Variants in ATXN1 observed in about 807,000 individuals in gnomAD.
The protein encoded by ATXN1 is ataxin 1.
In ATXN1, 8 loss-of-function variants were observed where a neutral mutation model predicts 56.4. The ratio of observed to expected loss-of-function variants is 0.14; its 90% CI spans 0.08 to 0.26. The LOEUF (loss-of-function observed/expected upper bound fraction) is 0.26, where lower values mean the gene tolerates loss of function less well. ATXN1 is among the 10% of genes least tolerant of loss of function. ATXN1 has a pLI of 1.00. For missense variants in ATXN1, 987 were observed against 1,106.5 expected (o/e 0.89, Z 1.53); for synonymous variants, 514 against 494.6 (o/e 1.04, Z -0.52).
intron 2 of ATXN1, among the ~76,000 whole-genome samples, chr6:16,725,655 A>T (rs1759832898): frequency 6.6e-6 from 1 of 152,184 alleles, no homozygotes; most frequent in South Asian, 2.1e-4. Flanking sequence ...CTCATTGTGC[A>T]TATTTGGCCC....
intron 5 of ATXN1, among the ~76,000 whole-genome samples, chr6:16,494,835 T>C (rs1326567274): frequency 2.6e-5 from 4 of 152,240 alleles, no homozygotes; most frequent in African/African-American, 9.6e-5. Context: ...CCTGGCCTTA[T>C]TTGTTCAACA....
chr6:16,735,021 T>TA (rs1192843894), intron 2 of ATXN1, among the ~76,000 whole-genome samples: 5 of 152,234 alleles, frequency 3.3e-5, no homozygotes, highest in Non-Finnish European at 7.3e-5. Context: ...TTATATTTAG[T>TA]AAAAACAATT....
At chr6:16,704,346 A>G (rs995297509) in intron 2 of ATXN1, among the ~76,000 whole-genome samples, 2 of 151,980 alleles carry the variant, frequency 1.3e-5, no homozygotes, top group Non-Finnish European at 2.9e-5. Context: ...CCCAAGATTG[A>G]CTGTCGGTCT....
At chr6:16,614,200 A>T (rs1763164046) in intron 3 of ATXN1, among the ~76,000 whole-genome samples, 1 of 151,778 alleles carries the variant, frequency 6.6e-6, no homozygotes, top group Non-Finnish European at 1.5e-5. Context: ...TCTTTTTGTC[A>T]TCATCGCATC....
intron 6 of ATXN1, among the ~76,000 whole-genome samples, chr6:16,367,599 T>C (rs1425486199): frequency 6.6e-6 from 1 of 152,202 alleles, no homozygotes; most frequent in Non-Finnish European, 1.5e-5. Context: ...GGATAATTGT[T>C]GCTTACCCCA....
chr6:16,395,657 T>A (rs920447787), intron 6 of ATXN1, among the ~76,000 whole-genome samples: 14 of 152,322 alleles, frequency 9.2e-5, no homozygotes, highest in African/African-American at 3.4e-4. Context: ...ACTATGTTAC[T>A]GGTTTGTGTA....
intron 3 of ATXN1, among the ~76,000 whole-genome samples, chr6:16,648,072 T>C (rs1033729769): frequency 6.6e-5 from 10 of 152,208 alleles, no homozygotes; most frequent in African/African-American, 2.2e-4. Context: ...CGAAACTCCA[T>C]CTCAAAAACA....
intron 6 of ATXN1, among the ~76,000 whole-genome samples, chr6:16,377,017 C>G (rs770603632): frequency 6.6e-6 from 1 of 152,192 alleles, no homozygotes; most frequent in African/African-American, 2.4e-5. Context: ...GCACTTCCAT[C>G]AATTTACTTT....
chr6:16,343,735 C>T (rs962891145), intron 6 of ATXN1, among the ~76,000 whole-genome samples: 1 of 152,122 alleles, frequency 6.6e-6, no homozygotes, highest in African/African-American at 2.4e-5. Context: ...CTTGACGATG[C>T]GCGGCCACCT....
At chr6:16,367,703 C>T (rs1561869365) in intron 6 of ATXN1, among the ~76,000 whole-genome samples, 1 of 137,928 alleles carries the variant, frequency 7.3e-6, no homozygotes. Context: ...CTTCTTCTTG[C>T]CTTGCAAGAA....
chr6:16,726,696 C>T (rs1247385973), intron 2 of ATXN1, among the ~76,000 whole-genome samples: 1 of 151,916 alleles, frequency 6.6e-6, no homozygotes, highest in Non-Finnish European at 1.5e-5. Context: ...GAAACTCCAT[C>T]TCTACTAAAA....
intron 7 of ATXN1, among the ~76,000 whole-genome samples, chr6:16,317,333 CT>C (rs907548405): frequency 2.0e-5 from 3 of 150,494 alleles, no homozygotes; most frequent in African/African-American, 7.3e-5. Context: ...TTCTTTCTTT[CT>C]TTTTTTTTGA....
chr6:16,321,113 T>C (rs1760639940), intron 7 of ATXN1, among the ~76,000 whole-genome samples: 1 of 152,206 alleles, frequency 6.6e-6, no homozygotes, highest in African/African-American at 2.4e-5. Flanking sequence ...GTGAGGGATA[T>C]GTTCAGACTC....
chr6:16,349,527 A>C (rs998214118), intron 6 of ATXN1, among the ~76,000 whole-genome samples: 36 of 152,104 alleles, frequency 2.4e-4, no homozygotes, highest in African/African-American at 6.8e-4. Context: ...AAAAAAAAAA[A>C]ACACATTTTC....
intron 3 of ATXN1, among the ~76,000 whole-genome samples, chr6:16,649,809 T>C (rs1763862922): frequency 6.6e-6 from 1 of 152,238 alleles, no homozygotes; most frequent in Non-Finnish European, 1.5e-5. Context: ...CTGTATTATA[T>C]GCAGGAATGG....
intron 3 of ATXN1, among the ~76,000 whole-genome samples, chr6:16,612,573 TAAAA>T (rs1763128741): frequency 1.3e-5 from 2 of 151,896 alleles, no homozygotes; most frequent in Non-Finnish European, 2.9e-5. Flanking sequence ...TAAGAAAAAT[TAAAA>T]ATAAAAGATC....
intron 2 of ATXN1, among the ~76,000 whole-genome samples, chr6:16,667,794 T>C (rs1245086963): frequency 6.6e-6 from 1 of 152,204 alleles, no homozygotes; most frequent in Non-Finnish European, 1.5e-5. Flanking sequence ...TGCTTATTAT[T>C]TCTCTCACCT....
At chr6:16,444,803 G>A (rs1225923672) in intron 6 of ATXN1, among the ~76,000 whole-genome samples, 5 of 152,162 alleles carry the variant, frequency 3.3e-5, no homozygotes, top group African/African-American at 4.8e-5. Context: ...TGCAAAAAGA[G>A]ATGCCACCAA....
intron 6 of ATXN1, among the ~76,000 whole-genome samples, chr6:16,353,016 C>A (rs774595800): frequency 2.0e-5 from 3 of 152,066 alleles, no homozygotes; most frequent in Non-Finnish European, 4.4e-5. Context: ...CGCTGCGCAG[C>A]GGACAAGCTG....
Sources: gnomAD v4.1 joint callset for allele counts (sites outside exome capture counted in the v4.1 genomes callset) on GRCh38, gnomAD v4.1.1 for gene constraint, MANE v1.5 for transcripts, NCBI Gene and HGNC (gene_info 2026-07-23, HGNC 2026-07-21) for gene names.